KIAA0232: variants seen among roughly 807,000 people sequenced by gnomAD.
The protein encoded by KIAA0232 is KIAA0232.
A neutral mutation model predicts 122.0 loss-of-function variants in KIAA0232; 27 were observed. That is an observed-to-expected ratio of 0.22 (90% confidence interval 0.16 to 0.31). KIAA0232 has a LOEUF of 0.31. Ranked by LOEUF, KIAA0232 falls within the 10% of genes least tolerant of loss-of-function variation. The pLI, the probability that KIAA0232 is intolerant of heterozygous loss-of-function variation, is 1.00. For missense variants in KIAA0232, 1,551 were observed against 1,634.2 expected, an observed-to-expected ratio of 0.95 and a Z score of 0.88; for synonymous variants, 613 against 587.6, an observed-to-expected ratio of 1.04 and a Z score of -0.63.
intron 2 of KIAA0232, among the ~76,000 whole-genome samples, chr4:6,813,902 G>A (rs1393121495): frequency 2.0e-5 from 3 of 152,066 alleles, no homozygotes; most frequent in Non-Finnish European, 2.9e-5. Flanking sequence ...CTGGCTTGAC[G>A]TCTGTTCTCG....
chr4:6,877,641 C>T (rs1041413173), intron 9 of KIAA0232, among the ~76,000 whole-genome samples: 20 of 152,240 alleles, frequency 1.3e-4, no homozygotes, highest in African/African-American at 4.1e-4. Context: ...AAGCATCCAG[C>T]ATGGGAGAAG....
intron 1 of KIAA0232, among the ~76,000 whole-genome samples, chr4:6,788,147 T>C (rs1716716856): frequency 2.0e-5 from 3 of 152,178 alleles, no homozygotes; most frequent in Admixed American, 2.0e-4. Context: ...CCTGCTGCCT[T>C]GGCCTCCTGA....
intron 3 of KIAA0232, among the ~76,000 whole-genome samples, chr4:6,825,228 A>G (rs1422230875): frequency 6.6e-6 from 1 of 152,152 alleles, no homozygotes. Context: ...GTCATTACAC[A>G]TTTTATTTGA....
chr4:6,786,529 A>C (rs891314740), intron 1 of KIAA0232, among the ~76,000 whole-genome samples: 6 of 152,082 alleles, frequency 3.9e-5, no homozygotes, highest in African/African-American at 1.2e-4. Context: ...GCTGATCTCG[A>C]ACTCCTGGGC....
intron 2 of KIAA0232, among the ~76,000 whole-genome samples, chr4:6,814,456 C>T (rs1718027212): frequency 6.6e-6 from 1 of 151,364 alleles, no homozygotes; most frequent in South Asian, 2.1e-4. Flanking sequence ...AATTACTATT[C>T]TTCATATAAT....
At chr4:6,852,590 T>C (rs2108771479) in intron 4 of KIAA0232, among the ~76,000 whole-genome samples, 1 of 152,346 alleles carries the variant, frequency 6.6e-6, no homozygotes, top group South Asian at 2.1e-4. Flanking sequence ...TGTGCAGGGC[T>C]GGGCTGAAAA....
At chr4:6,853,984 C>T (rs1340657915) in intron 4 of KIAA0232, among the ~76,000 whole-genome samples, 8 of 152,160 alleles carry the variant, frequency 5.3e-5, no homozygotes, top group African/African-American at 1.9e-4. Context: ...TAGCAAGAAC[C>T]TAGCGTTGGT....
Position 6,876,764 on chromosome 4 carries a change from G to A in KIAA0232, c.4008+7G>A, listed in dbSNP as rs770095911. On this transcript the variant is annotated splice_region_variant and intron_variant, in intron 9 of 9. Transcript: ENST00000307659. ...CCTGTTAGATTTTAATAGGGTAAGT[G>A]GACTGTCCTCCTCCTCGTCATTAAC... 1 of 1,569,950 alleles carries A rather than the reference G, an allele frequency of 6.4e-7. No homozygotes were observed. The highest frequency in any genetic ancestry group is 1.1e-5 in the South Asian group (1 of 90,178).
intron 3 of KIAA0232, among the ~76,000 whole-genome samples, chr4:6,827,595 A>G (rs1013964492): frequency 7.2e-5 from 11 of 152,220 alleles, no homozygotes; most frequent in African/African-American, 2.2e-4. Flanking sequence ...TTGAAGACCC[A>G]TCACTTTTCT....
At chr4:6,850,613 T>C (rs1720224740) in intron 4 of KIAA0232, among the ~76,000 whole-genome samples, 1 of 152,094 alleles carries the variant, frequency 6.6e-6, no homozygotes, top group Non-Finnish European at 1.5e-5. Context: ...CTCCTGGTAA[T>C]GGGCCTTTCA....
chr4:6,814,642 A>G (rs1387202545), intron 2 of KIAA0232, among the ~76,000 whole-genome samples: 1 of 152,170 alleles, frequency 6.6e-6, no homozygotes, highest in Non-Finnish European at 1.5e-5. Flanking sequence ...AGGTAGGAAG[A>G]GTCAGTATAC....
At chr4:6,817,366 G>A (rs534153853) in intron 2 of KIAA0232, among the ~76,000 whole-genome samples, 7 of 152,168 alleles carry the variant, frequency 4.6e-5, no homozygotes, top group African/African-American at 1.7e-4. Context: ...ACAAGCGTCC[G>A]CCACCATGCC....
At chr4:6,877,826 C>A (rs1227604211) in intron 9 of KIAA0232, among the ~76,000 whole-genome samples, 1 of 152,146 alleles carries the variant, frequency 6.6e-6, no homozygotes, top group East Asian at 1.9e-4. Flanking sequence ...CACAGACACA[C>A]CCAGGATCAG....
At chr4:6,865,565 T>C (rs1317954504) in intron 7 of KIAA0232, among the ~76,000 whole-genome samples, 1 of 152,236 alleles carries the variant, frequency 6.6e-6, no homozygotes, top group East Asian at 1.9e-4. Flanking sequence ...CCTCCCAAAG[T>C]GTTGGGATTA....
At chr4:6,865,028 G>A (rs1228956997) in intron 7 of KIAA0232, among the ~76,000 whole-genome samples, 1 of 152,124 alleles carries the variant, frequency 6.6e-6, no homozygotes, top group Non-Finnish European at 1.5e-5. Flanking sequence ...GATGTATCTT[G>A]CTTTATACAA....
intron 2 of KIAA0232, among the ~76,000 whole-genome samples, chr4:6,805,530 C>G (rs964350606): frequency 2.6e-4 from 40 of 152,154 alleles, no homozygotes; most frequent in African/African-American, 9.7e-4. Flanking sequence ...TGTTAACTCA[C>G]TGTCTTACCA....
intron 2 of KIAA0232, among the ~76,000 whole-genome samples, chr4:6,808,249 ATTCT>A (rs1009412760): frequency 6.6e-6 from 1 of 151,660 alleles, no homozygotes; most frequent in African/African-American, 2.4e-5. Context: ...TCTTTTCTAT[ATTCT>A]TTCTTTTACT....
At chr4:6,868,112 C>T (rs898604543) in intron 7 of KIAA0232, among the ~76,000 whole-genome samples, 27 of 152,218 alleles carry the variant, frequency 1.8e-4, no homozygotes, top group African/African-American at 6.0e-4. Flanking sequence ...TTTCTCTTTA[C>T]CCAAACTAGG....
intron 8 of KIAA0232, among the ~76,000 whole-genome samples, chr4:6,875,722 A>C (rs1721715978): frequency 6.6e-6 from 1 of 152,176 alleles, no homozygotes; most frequent in African/African-American, 2.4e-5. Context: ...GTAGATGCTC[A>C]AGGGTGTTAA....
Sources: allele counts gnomAD v4.1 joint callset (sites outside exome capture counted in the v4.1 genomes callset), GRCh38; gene constraint gnomAD v4.1.1; transcripts MANE v1.5; gene names NCBI Gene and HGNC (gene_info 2026-07-23, HGNC 2026-07-21).